Variants in FADS2 observed in about 807,000 individuals in gnomAD.
The protein encoded by FADS2 is acyl-CoA 6-desaturase.
In FADS2, 18 loss-of-function variants were observed where a neutral mutation model predicts 61.2. The ratio of observed to expected loss-of-function variants is 0.29; its 90% CI spans 0.20 to 0.44. FADS2 has a LOEUF of 0.44. Ranked by LOEUF, FADS2 falls within the 20% of genes least tolerant of loss-of-function variation. The probability of loss-of-function intolerance (pLI) is 1.00; values close to 1 mark genes in which losing one functional copy is unlikely to be tolerated. For synonymous variants in FADS2, 203 were observed against 223.9 expected, an observed-to-expected ratio of 0.91 and a Z score of 0.83; for missense variants, 322 against 572.7, an observed-to-expected ratio of 0.56 and a Z score of 4.47.
At position 61,852,409 on chromosome 11, in the gene FADS2, C is replaced by T. The variant is rs559256435; in HGVS notation, c.744+4125C>T. Among the ~76,000 whole-genome samples, 7 of 152,154 alleles carry T rather than the reference C, an allele frequency of 4.6e-5. No homozygotes were observed. The South Asian group carries it at 8.3e-4, about 18-fold the overall frequency. On this transcript the variant is annotated intron_variant, in intron 5 of 11. Coordinates refer to ENST00000278840, the MANE Select transcript of FADS2 (RefSeq NM_004265.4). ...CCGAGTAGCTGGGACTACAGGCACC[C>T]GCCACCATGCCCGGCTAATTCTTGT... is the stretch of plus-strand genomic sequence containing the variant.
At chr11:61,846,037 CA>C (rs1316348359) in intron 4 of FADS2, among the ~76,000 whole-genome samples, 1 of 152,042 alleles carries the variant, frequency 6.6e-6, no homozygotes, top group Non-Finnish European at 1.5e-5. Context: ...GAGATTTTTC[CA>C]TTTGATTCTT....
At chr11:61,826,613 T>C (rs2067088581), upstream of FADS2, 1 of 574,986 alleles carries the variant, frequency 1.7e-6, no homozygotes, top group African/African-American at 1.9e-5. Flanking sequence ...ATCCTCTTAT[T>C]TTGTACAGAA....
At chr11:61,864,199 T>TA (rs1479930178) in intron 10 of FADS2, 4 of 159,076 alleles carry the variant, frequency 2.5e-5, no homozygotes, top group African/African-American at 4.8e-5. Context: ...TTTTTTTTTT[T>TA]TTATTAAAAA....
At chr11:61,851,510 C>T (rs2067307192) in intron 5 of FADS2, among the ~76,000 whole-genome samples, 1 of 152,238 alleles carries the variant, frequency 6.6e-6, no homozygotes. Context: ...ATTGGTGCTT[C>T]CTGGGTTCCT....
chr11:61,835,399 T>A (rs1225251716), intron 1 of FADS2, among the ~76,000 whole-genome samples: 1 of 145,640 alleles, frequency 6.9e-6, no homozygotes, highest in African/African-American at 2.5e-5. Flanking sequence ...CCCCGACCCT[T>A]TTTTTTTTTT....
intron 1 of FADS2, among the ~76,000 whole-genome samples, chr11:61,822,970 A>G (rs1276096647): frequency 6.6e-6 from 1 of 152,200 alleles, no homozygotes; most frequent in Non-Finnish European, 1.5e-5. Flanking sequence ...AGGTAATAAC[A>G]TTTTTAGTCT....
intron 6 of FADS2, 97 bp from the exon 7 acceptor site, chr11:61,857,357 C>G: frequency 8.9e-7 from 1 of 1,127,812 alleles, no homozygotes; most frequent in Non-Finnish European, 1.3e-6. Flanking sequence ...GTCTGCAGGG[C>G]TGGCCCCTGC....
upstream of FADS2, among the ~76,000 whole-genome samples, chr11:61,823,482 ATCAATGTCCACC>A (rs1019736256): frequency 8.5e-5 from 13 of 152,228 alleles, no homozygotes; most frequent in African/African-American, 3.1e-4. Flanking sequence ...CATACCTTTT[ATCAATGTCCACC>A]TAGAGATAAT....
intron 1 of FADS2, among the ~76,000 whole-genome samples, chr11:61,832,242 A>G (rs1034626294): frequency 2.6e-5 from 4 of 152,202 alleles, no homozygotes; most frequent in Non-Finnish European, 4.4e-5. Flanking sequence ...ACCTGCTCCT[A>G]TGTTATTCTT....
chr11:61,816,397 T>G lies in FADS2; in HGVS notation c.112T>G (p.Ser38Ala), dbSNP rs1248737090. The change falls in exon 1 of 12, where the codon TCC becomes GCC. Residue 38 changes from serine to alanine, a missense_variant. Physicochemically the swap from Ser to Ala is moderately conservative, Grantham distance 99 (BLOSUM62 1). Transcript: ENST00000257261. This position sits in a 1 kb window ranked among gnomAD's most constrained non-coding sequence, Gnocchi z 7.0. ...CTCTCTCCCGCCTTTTCATCCCGCA[T>G]CCGCAGGACACCCAATCACCGGGCA... 1.2e-5 allele frequency: 19 copies of G among 1,598,524 alleles called. No homozygotes were observed. The highest frequency in any genetic ancestry group is 1.6e-5 in the Non-Finnish European group (19 of 1,179,798).
rs965432843 is a variant in FADS2 at position 61,840,163 on chromosome 11, G to A, written c.319-171G>A. ...GGCCCCAGGGCTGTGTGGGGCATGT[G>A]GTAACAGCAGCTATTGTAGGGACTC... On this transcript the variant is annotated intron_variant, in intron 2 of 11. Coordinates refer to ENST00000278840, the MANE Select transcript of FADS2 (RefSeq NM_004265.4). 6.0e-5 allele frequency: 38 copies of A among 633,556 alleles called. No individual in the cohort carries two copies. In the African/African-American group the frequency reaches 6.2e-4, roughly 10 times the overall value. 39.2% of individuals were successfully genotyped at this position (633,556 alleles called of 1,614,324 possible).
chr11:61,849,582 A>G (rs1409788544), intron 5 of FADS2, among the ~76,000 whole-genome samples: 2 of 151,102 alleles, frequency 1.3e-5, no homozygotes, highest in East Asian at 3.9e-4. Flanking sequence ...GAGCAAAGCT[A>G]TGTCTCAAAA....
rs777016666 is a variant in FADS2 at position 61,848,143 on chromosome 11, C to T, written c.619-16C>T. 1.2e-6 allele frequency: 2 copies of T among 1,614,054 alleles called. No homozygotes were observed. Among genetic ancestry groups the T allele is most frequent in the South Asian group, 1.1e-5 (1 of 91,078 alleles). On this transcript the variant is annotated splice_polypyrimidine_tract_variant and intron_variant, in intron 4 of 11. Transcript: ENST00000278840. ...GGTGGCTTGCATGGCTCATCCCCAC[C>T]CCTCTCTCCCCACAGGGTGCCTCTG... is the stretch of plus-strand genomic sequence containing the variant.
chr11:61,863,474 C>G, intron 9 of FADS2, 96 bp downstream of exon 9: 2 of 981,692 alleles, frequency 2.0e-6, no homozygotes, highest in Non-Finnish European at 3.2e-6. Flanking sequence ...TGTGCTGGGC[C>G]TCCCGGGGCT....
chr11:61,816,344 C>T lies in FADS2; in HGVS notation c.59C>T (p.Pro20Leu). 2 of 1,598,396 alleles carry T rather than the reference C, an allele frequency of 1.3e-6. No individual in the cohort carries two copies. Among genetic ancestry groups the T allele is most frequent in the East Asian group, 2.2e-5 (1 of 44,866 alleles). Residue 20 changes from proline (P) to leucine (L), a missense_variant, in exon 1 of 12, where the codon CCC becomes CTC. Physicochemically the swap from Pro to Leu is moderately conservative, Grantham distance 98. Coordinates refer to the FADS2 transcript ENST00000257261. This position sits in a 1 kb window ranked among gnomAD's most constrained non-coding sequence, Gnocchi z 7.0. The stretch of plus-strand genomic sequence containing the variant: ...GTGTGCGTGTTGTTGGCCTCCATCC[C>T]CACTCCCCAGACTCCACTTCTCCAG...
chr11:61,828,197 AG>A, upstream of FADS2: 1 of 1,417,536 alleles, frequency 7.1e-7, no homozygotes. This position sits in a 1 kb window ranked among gnomAD's most constrained non-coding sequence, Gnocchi z 6.4. Context: ...ATCCTCCGCC[AG>A]GAAGGCAGGG....
chr11:61,858,995 G>T (rs1361033392), intron 7 of FADS2, among the ~76,000 whole-genome samples: 1 of 152,174 alleles, frequency 6.6e-6, no homozygotes, highest in Non-Finnish European at 1.5e-5. Context: ...CCAACCAATA[G>T]CCATGGGGAA....
chr11:61,863,654 C>A (rs1475080626), intron 9 of FADS2, 53 bp from the exon 10 acceptor site: 2 of 1,498,402 alleles, frequency 1.3e-6, no homozygotes, highest in South Asian at 1.1e-5. Context: ...GGGAATGAGG[C>A]CGGGCCCTTG....
At chr11:61,839,329 C>T (rs1463525191) in intron 2 of FADS2, among the ~76,000 whole-genome samples, 2 of 146,626 alleles carry the variant, frequency 1.4e-5, no homozygotes, top group Non-Finnish European at 3.0e-5. Flanking sequence ...TTCTTTCTTT[C>T]TTTTTTTTTT....
Sources: gnomAD v4.1 joint callset for allele counts (sites outside exome capture counted in the v4.1 genomes callset) on GRCh38, gnomAD v4.1.1 for gene constraint, Gnocchi (gnomAD v3.1) non-coding constraint, MANE v1.5 for transcripts, NCBI Gene and HGNC (gene_info 2026-07-23, HGNC 2026-07-21) for gene names.